CSMD1: variants seen among roughly 807,000 people sequenced by gnomAD.
CSMD1 encodes CUB and sushi domain-containing protein 1.
In CSMD1, 213 loss-of-function variants were observed where a neutral mutation model predicts 417.5. The ratio of observed to expected loss-of-function variants is 0.51; its 90% CI spans 0.46 to 0.57. The LOEUF is 0.57. Among genes scored for constraint, CSMD1 ranks in the 20% least tolerant of loss-of-function variants. The pLI, the probability that CSMD1 is intolerant of heterozygous loss-of-function variation, is 0.00. For synonymous variants in CSMD1, 2,862 were observed against 1,736.8 expected (o/e 1.65, Z -16.11); for missense variants, 6,923 against 4,529.7 (o/e 1.53, Z -15.17).
chr8:4,231,885 C>G (rs1212153344), intron 3 of CSMD1, among the ~76,000 whole-genome samples: 1 of 152,170 alleles, frequency 6.6e-6, no homozygotes, highest in East Asian at 1.9e-4. Context: ...ACTCCTAATA[C>G]TTGTGTTTTA....
chr8:3,853,659 C>G (rs1011316487), intron 5 of CSMD1, among the ~76,000 whole-genome samples: 1 of 151,936 alleles, frequency 6.6e-6, no homozygotes, highest in Non-Finnish European at 1.5e-5. Context: ...GAAGGACCAT[C>G]TTCCCTAGTG....
At position 4,879,823 on chromosome 8, in the gene CSMD1, T is replaced by C. The variant is rs571299625; in HGVS notation, c.85+114509A>G. Among the ~76,000 whole-genome samples, 112 of 152,164 alleles carry C rather than the reference T, an allele frequency of 7.4e-4. 1 individual carries two copies. Among genetic ancestry groups the C allele is most frequent in the South Asian group, 2.1e-3 (10 of 4,814 alleles). ...TGTATGCATCTCTCAAAACATCATG[T>C]TGTGTAAGATAAAAATATGCAATTT... On this transcript the variant is annotated intron_variant, in intron 1 of 69. Coordinates refer to ENST00000635120, the MANE Select transcript of CSMD1 (RefSeq NM_033225.6).
chr8:3,186,634 G>C (rs1821777286), intron 36 of CSMD1, among the ~76,000 whole-genome samples: 1 of 152,110 alleles, frequency 6.6e-6, no homozygotes. Context: ...AACCTATTGA[G>C]TAAAAGTAGA....
chr8:3,269,413 C>T (rs532910753), intron 26 of CSMD1, among the ~76,000 whole-genome samples: 2 of 152,328 alleles, frequency 1.3e-5, no homozygotes, highest in South Asian at 2.1e-4. Context: ...TGGTTTTCTC[C>T]CATAAAACAG....
intron 1 of CSMD1, among the ~76,000 whole-genome samples, chr8:4,707,262 T>G (rs1808002325): frequency 6.6e-6 from 1 of 152,232 alleles, no homozygotes; most frequent in African/African-American, 2.4e-5. Flanking sequence ...TCCTAGGAGG[T>G]AAGGAATATT....
intron 3 of CSMD1, among the ~76,000 whole-genome samples, chr8:4,073,268 A>G (rs901637753): frequency 6.6e-6 from 1 of 152,208 alleles, no homozygotes; most frequent in Non-Finnish European, 1.5e-5. Flanking sequence ...AAAATAGGCC[A>G]AAATTAGAGT....
intron 2 of CSMD1, among the ~76,000 whole-genome samples, chr8:4,551,371 C>G (rs1797862471): frequency 6.6e-6 from 1 of 152,204 alleles, no homozygotes; most frequent in Non-Finnish European, 1.5e-5. Context: ...ATTTCATCCA[C>G]TACCCTTAAT....
intron 10 of CSMD1, among the ~76,000 whole-genome samples, chr8:3,497,850 G>C (rs1302276896): frequency 6.6e-6 from 1 of 152,092 alleles, no homozygotes; most frequent in Non-Finnish European, 1.5e-5. Flanking sequence ...GTAGTGATAT[G>C]GTTTTACTTC....
intron 2 of CSMD1, among the ~76,000 whole-genome samples, chr8:4,631,394 G>T (rs571309232): frequency 2.8e-5 from 4 of 143,344 alleles, no homozygotes; most frequent in African/African-American, 8.3e-5. Context: ...TGATACCTTG[G>T]TTTGTTTTTT....
intron 37 of CSMD1, among the ~76,000 whole-genome samples, chr8:3,168,989 T>C (rs1472206724): frequency 6.6e-6 from 1 of 152,170 alleles, no homozygotes; most frequent in Non-Finnish European, 1.5e-5. Context: ...AACTCTGCAG[T>C]GATGAACTCT....
chr8:4,739,137 C>G (rs1810438614), intron 1 of CSMD1, among the ~76,000 whole-genome samples: 1 of 152,222 alleles, frequency 6.6e-6, no homozygotes, highest in African/African-American at 2.4e-5. Context: ...AACATACACA[C>G]ACGCATACAC....
At chr8:3,987,450 C>G (rs1164774614) in intron 5 of CSMD1, among the ~76,000 whole-genome samples, 1 of 152,186 alleles carries the variant, frequency 6.6e-6, no homozygotes, top group Non-Finnish European at 1.5e-5. Context: ...AGGTTTCTGA[C>G]TTTTACTTTC....
At chr8:4,119,931 T>A (rs1802384919) in intron 3 of CSMD1, among the ~76,000 whole-genome samples, 1 of 135,662 alleles carries the variant, frequency 7.4e-6, no homozygotes, top group African/African-American at 2.8e-5. Flanking sequence ...TGAGAGGAGC[T>A]GGGGATGGTT....
intron 25 of CSMD1, among the ~76,000 whole-genome samples, chr8:3,303,189 C>G (rs887643035): frequency 1.3e-5 from 2 of 152,168 alleles, no homozygotes; most frequent in African/African-American, 2.4e-5. Context: ...TCTGTCCTGT[C>G]AGGAAAATTC....
chr8:4,941,969 T>A (rs755680950), intron 1 of CSMD1, among the ~76,000 whole-genome samples: 1 of 152,204 alleles, frequency 6.6e-6, no homozygotes, highest in African/African-American at 2.4e-5. Context: ...AGTGAGTATG[T>A]GTTGTTTTTA....
intron 1 of CSMD1, among the ~76,000 whole-genome samples, chr8:4,782,016 C>T (rs960375277): frequency 6.6e-6 from 1 of 152,184 alleles, no homozygotes; most frequent in South Asian, 2.1e-4. Context: ...TCTATTTATG[C>T]ACCTTTCTCA....
intron 29 of CSMD1, among the ~76,000 whole-genome samples, chr8:3,216,404 T>C (rs75721860): frequency 0.058 from 8,907 of 152,272 alleles, 344 homozygotes; most frequent in East Asian, 0.14. Flanking sequence ...TTTTCCCCTA[T>C]TGAAAATAAA....
chr8:4,165,537 G>C (rs552841654), intron 3 of CSMD1, among the ~76,000 whole-genome samples: 1 of 152,124 alleles, frequency 6.6e-6, no homozygotes, highest in South Asian at 2.1e-4. Flanking sequence ...CCAAGTAGGT[G>C]GGACCTCCGG....
At chr8:4,959,362 G>T (rs757144145) in intron 1 of CSMD1, among the ~76,000 whole-genome samples, 10 of 152,200 alleles carry the variant, frequency 6.6e-5, no homozygotes, top group Non-Finnish European at 1.5e-4. Context: ...CATGTCAGGT[G>T]GCAATCCCCA....
Sources: gnomAD v4.1 joint callset for allele counts (sites outside exome capture counted in the v4.1 genomes callset) on GRCh38, gnomAD v4.1.1 for gene constraint, MANE v1.5 for transcripts, NCBI Gene and HGNC (gene_info 2026-07-23, HGNC 2026-07-21) for gene names.